The following SIK2 variants were observed in gnomAD, a reference collection of about 807,000 sequenced individuals.
SIK2 encodes the protein serine/threonine-protein kinase SIK2.
Under a neutral mutation model 103.2 loss-of-function variants are expected in SIK2, and 29 were observed. The observed-to-expected ratio is 0.28, with a 90% CI of 0.21 to 0.38. The LOEUF (loss-of-function observed/expected upper bound fraction) is 0.38. Among genes scored for constraint, SIK2 ranks in the 10% least tolerant of loss-of-function variants. The pLI, the probability that SIK2 is intolerant of heterozygous loss-of-function variation, is 1.00. For missense variants in SIK2, 879 were observed against 1,171.0 expected (o/e 0.75, Z 3.64); for synonymous variants, 412 against 446.1 (o/e 0.92, Z 0.96).
At chr11:111,617,850 G>A (rs994184319) in intron 2 of SIK2, among the ~76,000 whole-genome samples, 18 of 150,596 alleles carry the variant, frequency 1.2e-4, no homozygotes, top group East Asian at 7.8e-4. Context: ...GTGTGTGTGT[G>A]TATATATATA....
At chr11:111,605,648 C>G (rs1376582612) in intron 1 of SIK2, among the ~76,000 whole-genome samples, 1 of 152,140 alleles carries the variant, frequency 6.6e-6, no homozygotes, top group Non-Finnish European at 1.5e-5. Flanking sequence ...GCTTAATCAT[C>G]TATGTAATGA....
At chr11:111,665,091 A>G (rs550067911) in intron 3 of SIK2, among the ~76,000 whole-genome samples, 1 of 151,600 alleles carries the variant, frequency 6.6e-6, no homozygotes, top group Non-Finnish European at 1.5e-5. Flanking sequence ...TAAGAAAGGA[A>G]TGGATCCAGA....
intron 2 of SIK2, among the ~76,000 whole-genome samples, chr11:111,619,402 TA>T (rs1426250481): frequency 6.6e-6 from 1 of 152,164 alleles, no homozygotes; most frequent in Admixed American, 6.5e-5. Flanking sequence ...TTTATATATT[TA>T]TTTTTTTTGA....
intron 4 of SIK2, among the ~76,000 whole-genome samples, chr11:111,692,350 CAAAAAAAAAAAAAAAAAAAAAA>C (rs763369049): frequency 4.7e-3 from 124 of 26,486 alleles, no homozygotes; most frequent in Non-Finnish European, 7.0e-3. Context: ...GACTCAGTCT[CAAAAAAAAAAAAAAAAAAAAAA>C]AAAAAAAAAA....
chr11:111,689,255 G>C (rs111710793), intron 4 of SIK2, among the ~76,000 whole-genome samples: 210 of 152,302 alleles, frequency 1.4e-3, no homozygotes, highest in African/African-American at 4.8e-3. Flanking sequence ...AGTTTATTCT[G>C]TAGGTAATGG....
intron 9 of SIK2, among the ~76,000 whole-genome samples, chr11:111,713,863 A>G (rs1591640257): frequency 6.6e-6 from 1 of 152,290 alleles, no homozygotes; most frequent in East Asian, 1.9e-4. Flanking sequence ...GCTACTCGGG[A>G]GGCTGAGGCA....
intron 3 of SIK2, among the ~76,000 whole-genome samples, chr11:111,654,610 C>A (rs191461984): frequency 1.5e-4 from 23 of 152,282 alleles, no homozygotes; most frequent in Admixed American, 1.0e-3. Context: ...TTTGTTTAAT[C>A]AGTATAAAAC....
intron 3 of SIK2, among the ~76,000 whole-genome samples, chr11:111,640,721 A>ATTTTTTTT (rs1942169710): frequency 9.6e-6 from 1 of 104,514 alleles, no homozygotes; most frequent in African/African-American, 3.4e-5. Context: ...AGAAACAGGC[A>ATTTTTTTT]ATTTTTTTTT....
intron 3 of SIK2, among the ~76,000 whole-genome samples, chr11:111,660,568 C>T (rs1942453956): frequency 1.3e-5 from 2 of 152,180 alleles, no homozygotes; most frequent in South Asian, 4.1e-4. Flanking sequence ...GTATATACCT[C>T]TTTGAGATCA....
chr11:111,706,410 C>A (rs1184419075), intron 8 of SIK2, among the ~76,000 whole-genome samples: 1 of 152,048 alleles, frequency 6.6e-6, no homozygotes, highest in Admixed American at 6.6e-5. Context: ...ATTTGGGAAT[C>A]ATCCAGAGGT....
intron 4 of SIK2, among the ~76,000 whole-genome samples, chr11:111,695,455 T>C (rs1943049571): frequency 6.6e-6 from 1 of 152,234 alleles, no homozygotes; most frequent in Non-Finnish European, 1.5e-5. Context: ...ACGATTTTCT[T>C]ATTTAATCTC....
chr11:111,663,182 G>C (rs1942489668), intron 3 of SIK2, among the ~76,000 whole-genome samples: 1 of 150,938 alleles, frequency 6.6e-6, no homozygotes, highest in Non-Finnish European at 1.5e-5. Context: ...GCAGTGAGTC[G>C]TGATCACACC....
At chr11:111,650,336 A>G (rs901081228) in intron 3 of SIK2, among the ~76,000 whole-genome samples, 4 of 152,116 alleles carry the variant, frequency 2.6e-5, no homozygotes, top group African/African-American at 9.7e-5. Flanking sequence ...TGGTAGGTAT[A>G]TATTCTACTT....
At chr11:111,670,788 G>T (rs1175748427) in intron 3 of SIK2, among the ~76,000 whole-genome samples, 1 of 152,186 alleles carries the variant, frequency 6.6e-6, no homozygotes. Flanking sequence ...GGGGGCATGG[G>T]CAAGAGTGGG....
At position 111,603,615 on chromosome 11, in the gene SIK2, C is replaced by A. The variant is rs1016021848; in HGVS notation, c.135+917C>A. ...CTTACCTAACCCGCCCCCCTTCCTT[C>A]CACTGCCTCAAGCTGCTCTCCTCAG... On this transcript the variant is annotated intron_variant, in intron 1 of 14. Coordinates refer to ENST00000304987, the MANE Select transcript of SIK2 (RefSeq NM_015191.3). 2.0e-5 allele frequency among the ~76,000 whole-genome samples: 3 copies of A among 152,288 alleles called. No individual in the cohort carries two copies. The East Asian group carries it at 5.8e-4, about 29-fold the overall frequency.
intron 4 of SIK2, among the ~76,000 whole-genome samples, chr11:111,697,049 A>C (rs1392058809): frequency 6.6e-6 from 1 of 152,196 alleles, no homozygotes; most frequent in East Asian, 1.9e-4. Flanking sequence ...ACTTCTTCAA[A>C]AATAACTATT....
intron 1 of SIK2, among the ~76,000 whole-genome samples, chr11:111,605,488 G>T (rs1354210981): frequency 6.6e-6 from 1 of 152,098 alleles, no homozygotes; most frequent in African/African-American, 2.4e-5. Flanking sequence ...AATGAATATG[G>T]TATAAAAATA....
At chr11:111,644,472 C>T (rs1942229685) in intron 3 of SIK2, among the ~76,000 whole-genome samples, 1 of 151,912 alleles carries the variant, frequency 6.6e-6, no homozygotes, top group African/African-American at 2.4e-5. Context: ...ATCTCGTTTT[C>T]TGAGTGACTG....
At chr11:111,618,341 G>A (rs1003924423) in intron 2 of SIK2, among the ~76,000 whole-genome samples, 7 of 152,084 alleles carry the variant, frequency 4.6e-5, no homozygotes, top group Non-Finnish European at 4.4e-5. Context: ...TCTGTGACCC[G>A]GCGGTTAGGA....
Sources: gnomAD v4.1 joint callset for allele counts (sites outside exome capture counted in the v4.1 genomes callset) on GRCh38, gnomAD v4.1.1 for gene constraint, MANE v1.5 for transcripts, NCBI Gene and HGNC (gene_info 2026-07-23, HGNC 2026-07-21) for gene names.